Variants in MAML3 observed in about 807,000 individuals in gnomAD.
MAML3 encodes mastermind-like protein 3.
A neutral mutation model predicts 101.9 loss-of-function variants in MAML3; 27 were observed. The ratio of observed to expected loss-of-function variants is 0.27; its 90% confidence interval spans 0.20 to 0.37. The LOEUF (loss-of-function observed/expected upper bound fraction) is 0.37, where lower values mean the gene tolerates loss of function less well. Among genes scored for constraint, MAML3 ranks in the 10% least tolerant of loss-of-function variants. The pLI, the probability that MAML3 is intolerant of heterozygous loss-of-function variation, is 1.00. For missense variants in MAML3, 1,316 were observed against 1,444.9 expected (o/e 0.91, Z 1.45); for synonymous variants, 501 against 555.9 (o/e 0.90, Z 1.39).
rs1341317439 is a variant in MAML3, at chr4:139,929,135, G to A, written c.469-38168C>T. On this transcript the variant is annotated intron_variant, in intron 1 of 4. Coordinates refer to ENST00000509479, the MANE Select transcript of MAML3 (RefSeq NM_018717.5). ...TGTTCAATAGCCCCCCAAATGCAGA[G>A]TTGAGATAGATCGCTTCCCTGTGAC... Among the ~76,000 whole-genome samples the A allele has an allele frequency of 3.3e-5, 5 of 152,200 alleles. No homozygotes were observed. The South Asian group carries it at 1.0e-3, about 32-fold the overall frequency.
At chr4:140,007,344 C>T (rs1337568326) in intron 1 of MAML3, among the ~76,000 whole-genome samples, 3 of 152,202 alleles carry the variant, frequency 2.0e-5, no homozygotes, top group Non-Finnish European at 4.4e-5. Context: ...AAACAAAACA[C>T]TGGGCTGGTC....
At chr4:140,003,041 A>T (rs1221776407) in intron 1 of MAML3, among the ~76,000 whole-genome samples, 1 of 152,212 alleles carries the variant, frequency 6.6e-6, no homozygotes, top group Non-Finnish European at 1.5e-5. Flanking sequence ...CTTTTAAAAC[A>T]ATTCAACTTG....
chr4:139,958,933 G>T (rs1463359314), intron 1 of MAML3, among the ~76,000 whole-genome samples: 1 of 152,106 alleles, frequency 6.6e-6, no homozygotes. Flanking sequence ...CACATCCATT[G>T]TTCTTTGTTG....
intron 3 of MAML3, 44 bp from the exon 4 acceptor site, chr4:139,725,879 A>G: frequency 6.7e-7 from 1 of 1,501,510 alleles, no homozygotes; most frequent in Non-Finnish European, 9.3e-7. Context: ...TGAGATAGGG[A>G]GCAAGCACAC....
At chr4:140,014,656 T>C (rs1308860276) in intron 1 of MAML3, among the ~76,000 whole-genome samples, 1 of 152,210 alleles carries the variant, frequency 6.6e-6, no homozygotes, top group Non-Finnish European at 1.5e-5. Context: ...ACGTGGTAGG[T>C]TACAATAGAG....
rs1171049131 is a variant in MAML3, at chr4:140,069,413, GGAGGAGGGGAAGGAGGA to G, written c.468+83430_468+83446del. Among the ~76,000 whole-genome samples the G allele has an allele frequency of 1.3e-3, 84 of 63,372 alleles. 2 individuals carry two copies. Among genetic ancestry groups the G allele is most frequent in the East Asian group, 1.6e-3 (3 of 1,886 alleles). 41.6% of individuals were successfully genotyped at this position (63,372 alleles called of 152,430 possible). A position where few individuals can be genotyped will look rare whatever the true frequency, so the allele number is the denominator to read the frequency against. On this transcript the variant is annotated intron_variant, in intron 1 of 4. Coordinates refer to ENST00000509479, the MANE Select transcript of MAML3 (RefSeq NM_018717.5). The stretch of plus-strand genomic sequence containing the variant: ...AGGAGGAGGAGGAGGAGGAGGAGGA[GGAGGAGGGGAAGGAGGA>G]GAAGGAGGAGAAGGAGGAGAAGGAG...
At chr4:139,927,064 TC>T (rs1235438395) in intron 1 of MAML3, among the ~76,000 whole-genome samples, 1 of 94,060 alleles carries the variant, frequency 1.1e-5, no homozygotes, top group African/African-American at 4.5e-5. Context: ...TGAGTTTTTT[TC>T]TTTTTTCTTT....
intron 2 of MAML3, among the ~76,000 whole-genome samples, chr4:139,765,320 T>C (rs1729836528): frequency 6.6e-6 from 1 of 152,256 alleles, no homozygotes; most frequent in Non-Finnish European, 1.5e-5. Flanking sequence ...TTTAGGATGG[T>C]AGAATTAAGA....
At chr4:139,917,060 T>C (rs1398937388) in intron 1 of MAML3, among the ~76,000 whole-genome samples, 2 of 152,220 alleles carry the variant, frequency 1.3e-5, no homozygotes, top group Non-Finnish European at 2.9e-5. Flanking sequence ...GAAAACTGTA[T>C]GCAGAATTTT....
intron 2 of MAML3, among the ~76,000 whole-genome samples, chr4:139,760,907 GAA>G (rs1351205834): frequency 1.3e-5 from 2 of 152,182 alleles, no homozygotes; most frequent in Non-Finnish European, 2.9e-5. Flanking sequence ...TTGTTATATA[GAA>G]AAGAGAGTCA....
At chr4:140,058,164 A>T (rs934429602) in intron 1 of MAML3, among the ~76,000 whole-genome samples, 2 of 152,236 alleles carry the variant, frequency 1.3e-5, no homozygotes, top group Non-Finnish European at 2.9e-5. Flanking sequence ...ATTAACAAAT[A>T]ATGGACAAGG....
chr4:139,846,242 A>G lies in MAML3; in HGVS notation c.2079+43115T>C, dbSNP rs572591109. On this transcript the variant is annotated intron_variant, in intron 2 of 4. Coordinates refer to ENST00000509479, the MANE Select transcript of MAML3 (RefSeq NM_018717.5). ...ATTTTTATTTTACTAGACAGACTCT[A>G]TCACCAAACTACATATTTTTGTCTG... Among the ~76,000 whole-genome samples the G allele has an allele frequency of 2.0e-4, 31 of 152,372 alleles. 1 individual carries two copies. The highest frequency in any genetic ancestry group is 4.1e-4 in the Non-Finnish European group (28 of 68,044).
At chr4:139,967,145 T>G (rs1734148379) in intron 1 of MAML3, among the ~76,000 whole-genome samples, 1 of 152,146 alleles carries the variant, frequency 6.6e-6, no homozygotes, top group Admixed American at 6.5e-5. Flanking sequence ...GGCTCTTTTT[T>G]TCTCTGAGGG....
chr4:139,741,837 G>A (rs549546759), intron 2 of MAML3, among the ~76,000 whole-genome samples: 4 of 152,160 alleles, frequency 2.6e-5, no homozygotes, highest in Admixed American at 6.5e-5. Context: ...TCTTGTGCAC[G>A]GTATAATTGC....
At chr4:139,996,449 G>GTTTA (rs1272772106) in intron 1 of MAML3, among the ~76,000 whole-genome samples, 4 of 151,976 alleles carry the variant, frequency 2.6e-5, no homozygotes, top group Non-Finnish European at 5.9e-5. Flanking sequence ...TCTGTACTTA[G>GTTTA]TTTAATATAT....
intron 2 of MAML3, among the ~76,000 whole-genome samples, chr4:139,826,370 C>T (rs1297135600): frequency 6.6e-6 from 1 of 152,064 alleles, no homozygotes; most frequent in Non-Finnish European, 1.5e-5. Context: ...CATAAGAGTG[C>T]TTACCTTCTT....
At chr4:139,756,705 T>C (rs1305274613) in intron 2 of MAML3, among the ~76,000 whole-genome samples, 1 of 152,172 alleles carries the variant, frequency 6.6e-6, no homozygotes, top group Non-Finnish European at 1.5e-5. Flanking sequence ...TCTGCAACTT[T>C]TTGCTCTGAA....
intron 1 of MAML3, among the ~76,000 whole-genome samples, chr4:140,106,672 T>C (rs971203783): frequency 6.6e-6 from 1 of 152,244 alleles, no homozygotes; most frequent in East Asian, 1.9e-4. Flanking sequence ...TTTTAATGGC[T>C]TTAATGTTTA....
chr4:139,801,649 T>G (rs28489984), intron 2 of MAML3, among the ~76,000 whole-genome samples: 490 of 16,302 alleles, frequency 0.03, 5 homozygotes, highest in African/African-American at 0.069. Flanking sequence ...TGTGGGTGTG[T>G]GTGTGTGTGT....
Sources: gnomAD v4.1 joint callset for allele counts (sites outside exome capture counted in the v4.1 genomes callset) on GRCh38, gnomAD v4.1.1 for gene constraint, MANE v1.5 for transcripts, NCBI Gene and HGNC (gene_info 2026-07-23, HGNC 2026-07-21) for gene names.